Variants in NAV3 observed in about 807,000 individuals in gnomAD.
NAV3 encodes pore membrane and/or filament interacting like protein 1.
A neutral mutation model predicts 244.7 loss-of-function variants in NAV3; 87 were observed. The ratio of observed to expected loss-of-function variants is 0.36; its 90% CI spans 0.30 to 0.42. The LOEUF (loss-of-function observed/expected upper bound fraction) is 0.42. NAV3 is among the 20% of genes least tolerant of loss of function. NAV3 has a pLI of 1.00. For missense variants in NAV3, 2,663 were observed against 2,893.3 expected, an observed-to-expected ratio of 0.92 and a Z score of 1.83; for synonymous variants, 1,126 against 1,042.2, an observed-to-expected ratio of 1.08 and a Z score of -1.55.
At chr12:77,742,535 T>A (rs1453426953) in intron 2 of NAV3, among the ~76,000 whole-genome samples, 1 of 152,094 alleles carries the variant, frequency 6.6e-6, no homozygotes, top group East Asian at 1.9e-4. Context: ...GTTAGGGATG[T>A]CATAAATGTA....
At chr12:77,660,119 A>G (rs995281217) in intron 2 of NAV3, among the ~76,000 whole-genome samples, 1 of 152,200 alleles carries the variant, frequency 6.6e-6, no homozygotes, top group South Asian at 2.1e-4. Flanking sequence ...TAATAATAAA[A>G]AAAAAAGAAT....
At chr12:78,036,509 A>G (rs2137020984) in intron 9 of NAV3, 1 of 183,752 alleles carries the variant, frequency 5.4e-6, no homozygotes, top group East Asian at 1.3e-4. Context: ...GAAGCAACAG[A>G]GGGAAATGTG....
intron 2 of NAV3, among the ~76,000 whole-genome samples, chr12:77,651,039 CTGG>C (rs1312359912): frequency 6.6e-6 from 1 of 151,974 alleles, no homozygotes; most frequent in East Asian, 1.9e-4. Flanking sequence ...TTAAAACTGG[CTGG>C]TCAGTATTTT....
intron 5 of NAV3, among the ~76,000 whole-genome samples, chr12:77,987,834 C>T (rs1220505711): frequency 6.6e-6 from 1 of 152,020 alleles, no homozygotes; most frequent in Non-Finnish European, 1.5e-5. Flanking sequence ...TATACATTTG[C>T]TATACAAGAA....
rs1555248318 is a variant in NAV3, at chr12:77,977,709, C to CACACGT, written c.671+9007_671+9008insACACGT. 1.3e-4 allele frequency among the ~76,000 whole-genome samples: 6 copies of CACACGT among 47,658 alleles called. No individual in the cohort carries two copies. The South Asian group carries it at 3.2e-3, about 25-fold the overall frequency. The allele number at this position is 47,658 out of a possible 152,430, so 31.3% of individuals were successfully genotyped here. A position where few individuals can be genotyped will look rare whatever the true frequency, so the allele number is the denominator to read the frequency against. ...ATATATACACACACACACACACACACGCGCACACACACACACACACACACA... is the reference window on the plus strand; with the variant it reads ...ATATATACACACACACACACACACACACACGTGCGCACACACACACACACACACACA... On this transcript the variant is annotated intron_variant, in intron 5 of 39. Transcript: ENST00000397909.
intron 30 of NAV3, among the ~76,000 whole-genome samples, chr12:78,183,192 A>G (rs1288451182): frequency 6.6e-6 from 1 of 151,966 alleles, no homozygotes; most frequent in Non-Finnish European, 1.5e-5. Context: ...ACAAACAAAA[A>G]TACAGAAGGC....
intron 2 of NAV3, among the ~76,000 whole-genome samples, chr12:77,743,075 T>A (rs1299186536): frequency 6.6e-6 from 1 of 152,024 alleles, no homozygotes; most frequent in African/African-American, 2.4e-5. Context: ...CAGTTCGGGT[T>A]GCTTGCCATT....
intron 2 of NAV3, among the ~76,000 whole-genome samples, chr12:77,702,464 G>A (rs1481605893): frequency 1.3e-5 from 2 of 151,778 alleles, no homozygotes; most frequent in African/African-American, 4.8e-5. Flanking sequence ...TTCTTACTCT[G>A]GAAATAAGTT....
intron 1 of NAV3, among the ~76,000 whole-genome samples, chr12:77,926,726 T>C (rs1306541773): frequency 6.6e-6 from 1 of 152,166 alleles, no homozygotes; most frequent in African/African-American, 2.4e-5. Flanking sequence ...TCGGATTCAA[T>C]AGATCTAGGA....
chr12:77,824,894 A>AAAC (rs149054152), intron 2 of NAV3, among the ~76,000 whole-genome samples: 246 of 150,478 alleles, frequency 1.6e-3, no homozygotes, highest in East Asian at 0.011. Flanking sequence ...TCCGTCTCAA[A>AAAC]AACAACAACA....
chr12:77,985,882 C>T (rs1870419468), intron 5 of NAV3, among the ~76,000 whole-genome samples: 1 of 152,140 alleles, frequency 6.6e-6, no homozygotes, highest in African/African-American at 2.4e-5. Context: ...GTTAACATCT[C>T]CCAACCTCAT....
chr12:78,030,856 A>G lies in NAV3; in HGVS notation c.2023+8994A>G, dbSNP rs1027002980. On this transcript the variant is annotated intron_variant, in intron 9 of 39. Transcript: ENST00000397909. ...TAATGAACAATGAAATTGTGGAATA[A>G]CATGAAAATAATGGGAAACAAATTC... Among the ~76,000 whole-genome samples, 10 of 152,326 alleles carry G rather than the reference A, an allele frequency of 6.6e-5. No homozygotes were observed. In the East Asian group the frequency reaches 1.3e-3, roughly 21 times the overall value.
chr12:78,146,523 G>A (rs1345473370), intron 21 of NAV3, 131 bp downstream of exon 21: 3 of 306,160 alleles, frequency 9.8e-6, no homozygotes, highest in Non-Finnish European at 1.9e-5. Flanking sequence ...AAGTAAGGCA[G>A]CTAATTGATA....
chr12:78,036,528 C>T (rs373876539), intron 9 of NAV3: 9 of 200,952 alleles, frequency 4.5e-5, no homozygotes, highest in Non-Finnish European at 8.2e-5. Flanking sequence ...TGGACCCATC[C>T]TCCTGCTGAG....
At chr12:78,022,264 TA>T (rs1259266967) in intron 9 of NAV3, among the ~76,000 whole-genome samples, 1 of 152,108 alleles carries the variant, frequency 6.6e-6, no homozygotes, top group South Asian at 2.1e-4. Flanking sequence ...ATGACCATTC[TA>T]AAAAACTCTG....
At chr12:78,053,224 T>TATATATATA (rs952752840) in intron 11 of NAV3, among the ~76,000 whole-genome samples, 1 of 149,998 alleles carries the variant, frequency 6.7e-6, no homozygotes, top group African/African-American at 2.4e-5. Flanking sequence ...TAAAAATATA[T>TATATATATA]ATATATATAA....
chr12:77,615,393 C>T (rs766640179), intron 2 of NAV3, among the ~76,000 whole-genome samples: 1 of 152,100 alleles, frequency 6.6e-6, no homozygotes, highest in African/African-American at 2.4e-5. Context: ...TCAGTGTTTA[C>T]AGTGTCTATT....
At chr12:77,973,010 CTT>C (rs1175581551) in intron 5 of NAV3, among the ~76,000 whole-genome samples, 6 of 151,812 alleles carry the variant, frequency 4.0e-5, no homozygotes, top group South Asian at 2.1e-4. Context: ...TAAAATGAAA[CTT>C]AATTTTTCTT....
At chr12:77,668,941 A>G (rs1873839881) in intron 2 of NAV3, among the ~76,000 whole-genome samples, 1 of 152,206 alleles carries the variant, frequency 6.6e-6, no homozygotes, top group African/African-American at 2.4e-5. Flanking sequence ...TCAGATTAAC[A>G]GCAGATTTCT....
Sources: allele counts gnomAD v4.1 joint callset (sites outside exome capture counted in the v4.1 genomes callset), GRCh38; gene constraint gnomAD v4.1.1; transcripts MANE v1.5; gene names NCBI Gene and HGNC (gene_info 2026-07-23, HGNC 2026-07-21).